The following CPSF1 variants were observed in gnomAD, a reference collection of about 807,000 sequenced individuals.
CPSF1 encodes the protein cleavage and polyadenylation specificity factor subunit 1.
In CPSF1, 106 loss-of-function variants were observed where a neutral mutation model predicts 175.8. The ratio of observed to expected loss-of-function variants is 0.60; its 90% CI spans 0.52 to 0.71. CPSF1 has a LOEUF of 0.71. Ranked by LOEUF, CPSF1 falls within the 30% of genes least tolerant of loss-of-function variation. The probability of loss-of-function intolerance (pLI) is 0.00; values close to 1 mark genes in which losing one functional copy is unlikely to be tolerated. For missense variants in CPSF1, 1,734 were observed against 2,022.9 expected (o/e 0.86, Z 2.74); for synonymous variants, 1,024 against 858.3 (o/e 1.19, Z -3.37).
intron 19 of CPSF1, 45 bp from the exon 20 acceptor site, chr8:144,398,177 C>G: frequency 9.2e-7 from 1 of 1,092,222 alleles, no homozygotes; most frequent in Non-Finnish European, 1.3e-6. Context: ...ACCACCGTCC[C>G]CACCCACCTA....
Position 144,398,408 on chromosome 8 carries a change from G to A in CPSF1, c.1788C>T (p.Asp596=), listed in dbSNP as rs2116849540. The part of the protein sequence containing the change: ...LQTGQEIMEL[D]TSGFATQGPT... ...GGCCCTGAGTGGCGAAGCCACTGGT[G>A]TCCAGCTCCATGATCTCCTGCCCCG... The change falls in exon 19 of 38, where the codon GAC becomes GAT. Residue 596 remains aspartate (D), a synonymous_variant. Transcript: ENST00000616140. 1 of 1,613,614 alleles carries A rather than the reference G, an allele frequency of 6.2e-7. No homozygotes were observed. The highest frequency in any genetic ancestry group is 1.3e-5 in the African/African-American group (1 of 74,882).
intron 2 of CPSF1, 112 bp downstream of exon 2, chr8:144,408,903 C>A (rs1032001708): frequency 1.5e-6 from 2 of 1,325,176 alleles, no homozygotes; most frequent in African/African-American, 2.9e-5. Flanking sequence ...GGCTGAGGAA[C>A]GTTAAGCAAA....
Position 144,399,762 on chromosome 8 carries a change from A to C in CPSF1, c.1119+19T>G. ...TGGGCCGGGTCTGGACCCAGACCCA[A>C]CCCCTAGTCCCAACTCACGCTGGTG... On this transcript the variant is annotated intron_variant, in intron 11 of 37. Coordinates refer to ENST00000616140, the MANE Select transcript of CPSF1 (RefSeq NM_013291.3). This position sits in a 1 kb window ranked among gnomAD's most constrained non-coding sequence, Gnocchi z 6.4. The C allele has an allele frequency of 6.3e-7, 1 of 1,588,920 alleles. No homozygotes were observed. Among genetic ancestry groups the C allele is most frequent in the South Asian group, 1.1e-5 (1 of 87,646 alleles).
At chr8:144,401,347 CCCGGCAA>C in intron 4 of CPSF1, 56 bp from the exon 5 acceptor site, 1 of 1,608,378 alleles carries the variant, frequency 6.2e-7, no homozygotes, top group Non-Finnish European at 8.5e-7. Flanking sequence ...CAGTGTCGCC[CCCGGCAA>C]CCAACGGCTG....
In CPSF1 at chr8:144,394,556, CTGGGGGCGAGGGCG is replaced by C; in HGVS notation, c.3568-15_3568-2del. On this transcript the variant is annotated splice_acceptor_variant and splice_polypyrimidine_tract_variant and intron_variant, in intron 31 of 37. Coordinates refer to ENST00000616140, the MANE Select transcript of CPSF1 (RefSeq NM_013291.3). LOFTEE classifies it high-confidence loss of function. Reference sequence around the variant, plus strand: ...TGGCCCGCAGGCTCCACAGGAAAATCTGGGGGCGAGGGCGAGGGTGAGCGGGCGCGGACGGGGAG... The same window carrying C: ...TGGCCCGCAGGCTCCACAGGAAAATCAGGGTGAGCGGGCGCGGACGGGGAG... The C allele has an allele frequency of 6.2e-7, 1 of 1,608,702 alleles. No homozygotes were observed. The highest frequency in any genetic ancestry group is 8.5e-7 in the Non-Finnish European group (1 of 1,177,936).
At position 144,397,848 on chromosome 8, in the gene CPSF1, C is replaced by G. The variant is rs373537594; in HGVS notation, c.2105G>C (p.Arg702Pro). 6.2e-7 allele frequency: 1 copy of G among 1,611,144 alleles called. No homozygotes were observed. Among genetic ancestry groups the G allele is most frequent in the Non-Finnish European group, 8.5e-7 (1 of 1,179,328 alleles). The stretch of plus-strand genomic sequence containing the variant: ...AGTGGTGAACATGCCGCTGAGGTCT[C>G]GGTACAGGCACAGCGTAATCACCTT... Reference protein sequence around the residue: ...QSKVITLCLYRDLSGMFTTES... With the variant: ...QSKVITLCLYPDLSGMFTTES... Residue 702 changes from arginine (R) to proline (P), a missense_variant, in exon 21 of 38, where the codon CGA becomes CCA. Coordinates refer to ENST00000616140, the MANE Select transcript of CPSF1 (RefSeq NM_013291.3).
In CPSF1 at chr8:144,393,786, G is replaced by A. The variant is rs546727206; in HGVS notation, c.4026C>T (p.Asp1342=). ...TGGGCAGCAGCAGCCCGATGCCGCC[G>A]TCCAGGGTGGCTGGCAGGGGTAGGG... The part of the protein sequence containing the change: ...NKHITWFATL[D]GGIGLLLPMQ... Residue 1342 remains aspartate (D), a synonymous_variant, in exon 36 of 38, where the codon GAC becomes GAT. Coordinates refer to ENST00000616140, the MANE Select transcript of CPSF1 (RefSeq NM_013291.3). 47 of 1,598,388 alleles carry A rather than the reference G, an allele frequency of 2.9e-5. No homozygotes were observed. The Middle Eastern group carries it at 5.0e-4, about 17-fold the overall frequency.
At chr8:144,400,302 C>CA (rs2116874348) in intron 8 of CPSF1, 26 bp from the exon 9 acceptor site, 1 of 1,609,290 alleles carries the variant, frequency 6.2e-7, no homozygotes, top group Non-Finnish European at 8.5e-7. Context: ...GGCTGGTGGG[C>CA]AGGCTCAGTG....
chr8:144,400,938 C>T lies in CPSF1; in HGVS notation c.525G>A (p.Gly175=), dbSNP rs201315647. 1.4e-4 allele frequency: 227 copies of T among 1,604,366 alleles called. No homozygotes were observed. Among genetic ancestry groups the T allele is most frequent in the Non-Finnish European group, 1.8e-4 (216 of 1,174,764 alleles). Residue 175 remains glycine, a synonymous_variant, in exon 6 of 38, where the codon GGG becomes GGA. Coordinates refer to ENST00000616140, the MANE Select transcript of CPSF1 (RefSeq NM_013291.3). ...RRESLAEEHE[G]LVGEGQRSSF... ...CTGGCACTCACCCCTCACCCACGAGCCCCTCGTGCTCCTCAGCCAGGCTCT... is the reference window on the plus strand; with the variant it reads ...CTGGCACTCACCCCTCACCCACGAGTCCCTCGTGCTCCTCAGCCAGGCTCT...
Position 144,398,119 on chromosome 8 carries a change from G to A in CPSF1, c.1908C>T (p.His636=), listed in dbSNP as rs1554864795. ...IRLLEGVNQL[H]FIPVDLGAPI... ...GGGCGCCCAGGTCCACGGGGATGAA[G>A]TGCAGCTGATTCACTGTAGGCATGG... is the stretch of plus-strand genomic sequence containing the variant. The change falls in exon 20 of 38, where the codon CAC becomes CAT. Residue 636 remains histidine, a synonymous_variant. Transcript: ENST00000616140. The A allele has an allele frequency of 7.6e-6, 12 of 1,585,128 alleles. No homozygotes were observed. The highest frequency in any genetic ancestry group is 1.0e-5 in the Non-Finnish European group (12 of 1,165,206).
At chr8:144,402,458 C>A (rs1455731604) in intron 2 of CPSF1, among the ~76,000 whole-genome samples, 8 of 152,148 alleles carry the variant, frequency 5.3e-5, no homozygotes, top group African/African-American at 1.9e-4. Context: ...GTGCGTGCCA[C>A]CATGTCCGGC....
At chr8:144,406,024 G>A (rs2116903772) in intron 2 of CPSF1, among the ~76,000 whole-genome samples, 23 of 152,184 alleles carry the variant, frequency 1.5e-4, no homozygotes, top group Non-Finnish European at 1.6e-4. Context: ...CCAGGTCTGC[G>A]ATTATGATAA....
rs782498528 is a variant in CPSF1 at position 144,397,990 on chromosome 8, G to T, written c.2037C>A (p.His679Gln). ...LLKSDSYGGR[H>Q]HRLALHKPPL... ...GGGGCTTGTGCAGCGCCAGGCGGTG[G>T]TGGCGGCCACCGTAGGAGTCACTCT... The change falls in exon 20 of 38, where the codon CAC becomes CAA. Residue 679 changes from histidine to glutamine, a missense_variant. Coordinates refer to ENST00000616140, the MANE Select transcript of CPSF1 (RefSeq NM_013291.3). The T allele has an allele frequency of 1.2e-6, 2 of 1,611,028 alleles. No homozygotes were observed. The highest frequency in any genetic ancestry group is 1.7e-6 in the Non-Finnish European group (2 of 1,179,464).
chr8:144,397,061 G>T, intron 23 of CPSF1, 132 bp from the exon 24 acceptor site: 1 of 919,036 alleles, frequency 1.1e-6, no homozygotes. Context: ...GAAGGGGCGG[G>T]GCTGTGAGGG....
In CPSF1 at chr8:144,395,112, A is replaced by G. The variant is rs1820630801; in HGVS notation, c.3258T>C (p.Ala1086=). ...CCCAGCCTCACCTGGCATTGGGAATAGCCTCCCAGCTGACCGGGGAGATGA... is the reference window on the plus strand; with the variant it reads ...CCCAGCCTCACCTGGCATTGGGAATGGCCTCCCAGCTGACCGGGGAGATGA... ...IQLISPVSWE[A]IPNARIELQE... is the part of the protein sequence containing the mutation. The change falls in exon 29 of 38, where the codon GCT becomes GCC. Residue 1086 remains alanine, a synonymous_variant. Transcript: ENST00000616140. The G allele has an allele frequency of 5.0e-6, 8 of 1,610,934 alleles. No individual in the cohort carries two copies. Among genetic ancestry groups the G allele is most frequent in the Non-Finnish European group, 6.8e-6 (8 of 1,178,586 alleles).
At position 144,398,378 on chromosome 8, in the gene CPSF1, C is replaced by G. The variant is rs2116849356; in HGVS notation, c.1818G>C (p.Thr606=). The part of the protein sequence containing the change: ...DTSGFATQGP[T]VFAGNIGDNR... ...TGTCCCCGATGTTCCCAGCAAAGAC[C>G]GTGGGGCCCTGAGTGGCGAAGCCAC... Residue 606 remains threonine (T), a synonymous_variant, in exon 19 of 38, where the codon ACG becomes ACC. Transcript: ENST00000616140. The G allele has an allele frequency of 1.2e-6, 2 of 1,612,836 alleles. No homozygotes were observed. The highest frequency in any genetic ancestry group is 1.7e-5 in the Admixed American group (1 of 59,910).
chr8:144,394,656 G>A lies in CPSF1; in HGVS notation c.3555C>T (p.Ala1185=), dbSNP rs139889538. 25 of 1,608,130 alleles carry A rather than the reference G, an allele frequency of 1.6e-5. No homozygotes were observed. The highest frequency in any genetic ancestry group is 2.0e-5 in the Non-Finnish European group (23 of 1,177,866). ...LCHCNGHLVS[A]IGQKIFLWSL... The stretch of plus-strand genomic sequence containing the variant: ...GGGACTGGCACACCTTCTGGCCGAT[G>A]GCCGACACCAGGTGGCCATTGCAGT... The change falls in exon 31 of 38, where the codon GCC becomes GCT. Residue 1185 remains alanine, a synonymous_variant. Transcript: ENST00000616140.
chr8:144,397,001 G>T, intron 23 of CPSF1, 72 bp from the exon 24 acceptor site: 1 of 1,186,940 alleles, frequency 8.4e-7, no homozygotes, highest in Non-Finnish European at 1.2e-6. Context: ...ATGGGAAGAG[G>T]TGGGCTGTGG....
At chr8:144,396,232 G>A in intron 26 of CPSF1, 116 bp downstream of exon 26, 3 of 1,117,172 alleles carry the variant, frequency 2.7e-6, no homozygotes, top group Non-Finnish European at 3.8e-6. Flanking sequence ...TCGCCCTCTG[G>A]ACACTCCTTC....
Sources: allele counts gnomAD v4.1 joint callset (sites outside exome capture counted in the v4.1 genomes callset), GRCh38; gene constraint gnomAD v4.1.1; non-coding constraint Gnocchi (gnomAD v3.1); transcripts MANE v1.5; gene names NCBI Gene and HGNC (gene_info 2026-07-23, HGNC 2026-07-21).